Variants in FBXO4 observed in about 807,000 individuals in gnomAD.
The protein encoded by FBXO4 is F-box only protein 4.
FBXO4 carries 36 observed loss-of-function variants against 43.7 expected under a neutral mutation model. The ratio of observed to expected loss-of-function variants is 0.82; its 90% confidence interval spans 0.63 to 1.09. FBXO4 has a LOEUF of 1.09. Among genes scored for constraint, FBXO4 ranks in the 50% least tolerant of loss-of-function variants. The pLI is 0.00. For missense variants in FBXO4, 435 were observed against 474.1 expected (o/e 0.92, Z 0.77); for synonymous variants, 180 against 165.6 (o/e 1.09, Z -0.67).
At chr5:41,952,880 T>G in the FBXO4 span, among the ~76,000 whole-genome samples, 1 of 152,166 alleles carries the variant, frequency 6.6e-6, no homozygotes, top group Non-Finnish European at 1.5e-5. Context: ...TTGTTATTTT[T>G]AGTTTCCCTT....
At chr5:42,006,107 G>C in the FBXO4 span, among the ~76,000 whole-genome samples, 1 of 152,044 alleles carries the variant, frequency 6.6e-6, no homozygotes, top group Non-Finnish European at 1.5e-5. Context: ...AGATACAAAA[G>C]CTTAGCTTAG....
At chr5:41,992,293 CT>C in the FBXO4 span, among the ~76,000 whole-genome samples, 3 of 152,222 alleles carry the variant, frequency 2.0e-5, no homozygotes, top group South Asian at 6.2e-4. Flanking sequence ...AGTATAAAGT[CT>C]TTGTTTATTT....
At chr5:42,036,903 T>C in the FBXO4 span, among the ~76,000 whole-genome samples, 1 of 152,084 alleles carries the variant, frequency 6.6e-6, no homozygotes, top group Non-Finnish European at 1.5e-5. Context: ...TGGTCTGAGA[T>C]GTCTAGGGAA....
chr5:41,992,323 G>T, the FBXO4 span, among the ~76,000 whole-genome samples: 1 of 152,148 alleles, frequency 6.6e-6, no homozygotes, highest in African/African-American at 2.4e-5. Context: ...TGAACATGAT[G>T]GTTTACAAAC....
downstream of FBXO4, among the ~76,000 whole-genome samples, chr5:41,944,958 T>A (rs1404683786): frequency 2.6e-5 from 4 of 152,246 alleles, no homozygotes; most frequent in Non-Finnish European, 5.9e-5. Context: ...GCAGAAGTGA[T>A]GAGAGTCTGG....
the FBXO4 span, among the ~76,000 whole-genome samples, chr5:41,992,240 A>G: frequency 6.6e-6 from 1 of 152,228 alleles, no homozygotes; most frequent in East Asian, 1.9e-4. Flanking sequence ...ATTAAAACTA[A>G]TAATAGTGTA....
the FBXO4 span, chr5:41,967,253 G>T: frequency 2.1e-6 from 1 of 481,696 alleles, no homozygotes. Flanking sequence ...CTGTCATAGG[G>T]CCAACACCTC....
chr5:41,938,899 A>C (rs1751922489), intron 5 of FBXO4, among the ~76,000 whole-genome samples: 1 of 152,082 alleles, frequency 6.6e-6, no homozygotes, highest in Non-Finnish European at 1.5e-5. Flanking sequence ...CCTGCATTGA[A>C]TCTTTCAACA....
chr5:41,990,671 A>G, the FBXO4 span, among the ~76,000 whole-genome samples: 5 of 152,122 alleles, frequency 3.3e-5, no homozygotes, highest in East Asian at 9.6e-4. Context: ...ATAGTTTTCT[A>G]TTTTTTATCT....
intron 5 of FBXO4, chr5:41,935,110 T>C: frequency 1.0e-6 from 1 of 985,318 alleles, no homozygotes; most frequent in Non-Finnish European, 1.2e-6. Context: ...ATTTAACAAA[T>C]AGTGTTTTAG....
chr5:42,001,264 C>G, the FBXO4 span, among the ~76,000 whole-genome samples: 1 of 152,194 alleles, frequency 6.6e-6, no homozygotes, highest in Non-Finnish European at 1.5e-5. Context: ...GAGTCTTGCT[C>G]TGTCACCCAG....
At chr5:41,966,449 A>G in the FBXO4 span, among the ~76,000 whole-genome samples, 12,105 of 152,168 alleles carry the variant, frequency 0.08, 692 homozygotes, top group African/African-American at 0.16. Context: ...TATAAAATAA[A>G]CCTTTAAATC....
chr5:41,991,091 G>A, the FBXO4 span, among the ~76,000 whole-genome samples: 2 of 152,096 alleles, frequency 1.3e-5, no homozygotes, highest in Non-Finnish European at 2.9e-5. Context: ...TCACGTTAAC[G>A]TCCCTTTCTA....
chr5:42,004,203 G>A, the FBXO4 span, among the ~76,000 whole-genome samples: 1 of 152,060 alleles, frequency 6.6e-6, no homozygotes, highest in Non-Finnish European at 1.5e-5. Context: ...TTCCTCCAAT[G>A]TCCCATACAC....
At chr5:41,937,714 C>T (rs1313538216) in intron 5 of FBXO4, among the ~76,000 whole-genome samples, 1 of 152,156 alleles carries the variant, frequency 6.6e-6, no homozygotes. Flanking sequence ...GATTAAGGCA[C>T]CAGCATCTGG....
At chr5:42,037,800 C>G in the FBXO4 span, among the ~76,000 whole-genome samples, 2 of 152,042 alleles carry the variant, frequency 1.3e-5, no homozygotes, top group African/African-American at 4.8e-5. Flanking sequence ...TAATCAATGA[C>G]CTCAATTTTC....
chr5:41,951,514 G>T, the FBXO4 span: 4 of 252,006 alleles, frequency 1.6e-5, no homozygotes, highest in South Asian at 2.0e-4. Flanking sequence ...AAGTCTGTTC[G>T]CCCTGAAATT....
the FBXO4 span, among the ~76,000 whole-genome samples, chr5:41,979,010 T>A: frequency 6.8e-4 from 103 of 152,288 alleles, no homozygotes; most frequent in Non-Finnish European, 1.4e-3. Context: ...AGATGGTAAA[T>A]TTTTTCAGCC....
At chr5:41,947,570 A>G in the FBXO4 span, among the ~76,000 whole-genome samples, 1 of 152,246 alleles carries the variant, frequency 6.6e-6, no homozygotes, top group Non-Finnish European at 1.5e-5. Context: ...AGGATTGTCC[A>G]GAAGGGAAAG....
Sources: gnomAD v4.1 joint callset for allele counts (sites outside exome capture counted in the v4.1 genomes callset) on GRCh38, gnomAD v4.1.1 for gene constraint, MANE v1.5 for transcripts, NCBI Gene and HGNC (gene_info 2026-07-23, HGNC 2026-07-21) for gene names.